Variants in PNPLA7 observed in about 807,000 individuals in gnomAD.
PNPLA7 encodes the protein patatin-like phospholipase domain-containing protein 7.
A neutral mutation model predicts 161.7 loss-of-function variants in PNPLA7; 153 were observed. The ratio of observed to expected loss-of-function variants is 0.95; its 90% CI spans 0.83 to 1.08. PNPLA7 has a LOEUF of 1.08. Among genes scored for constraint, PNPLA7 ranks in the 50% least tolerant of loss-of-function variants. PNPLA7 has a pLI of 0.00. For synonymous variants in PNPLA7, 809 were observed against 782.1 expected, an observed-to-expected ratio of 1.03 and a Z score of -0.57; for missense variants, 1,739 against 1,856.6, an observed-to-expected ratio of 0.94 and a Z score of 1.16.
chr9:137,480,931 A>T (rs771224609), intron 22 of PNPLA7, 29 bp downstream of exon 22: 2 of 1,550,340 alleles, frequency 1.3e-6, no homozygotes, highest in East Asian at 4.9e-5. Flanking sequence ...GCCGGCTGGG[A>T]GGAAGGAGTC....
Position 137,540,641 on chromosome 9 carries a change from C to A in PNPLA7, c.747+1G>T. The A allele has an allele frequency of 6.2e-7, 1 of 1,609,698 alleles. No individual in the cohort carries two copies. The highest frequency in any genetic ancestry group is 8.5e-7 in the Non-Finnish European group (1 of 1,178,486). Reference sequence around the variant, plus strand: ...GGAGGGCCAGGCAGCGGGGGACTCACGGTGATGATGTCCAGGATGCTGAGC... The same window carrying A: ...GGAGGGCCAGGCAGCGGGGGACTCAAGGTGATGATGTCCAGGATGCTGAGC... On this transcript the variant is annotated splice_donor_variant, in intron 8 of 34. Transcript: ENST00000406427. LOFTEE classifies it high-confidence loss of function. The surrounding 1 kb of genome is among the most constrained non-coding windows in gnomAD (Gnocchi z 5.1).
At position 137,540,639 on chromosome 9, in the gene PNPLA7, C is replaced by CA. The variant is rs1836145717; in HGVS notation, c.747+2dup. ...CCGGAGGGCCAGGCAGCGGGGGACT[C>CA]ACGGTGATGATGTCCAGGATGCTGA... On this transcript the variant is annotated splice_region_variant and intron_variant, in intron 8 of 34. Coordinates refer to ENST00000406427, the MANE Select transcript of PNPLA7 (RefSeq NM_001098537.3). This position sits in a 1 kb window ranked among gnomAD's most constrained non-coding sequence, Gnocchi z 5.1. 1.9e-6 allele frequency: 3 copies of CA among 1,609,512 alleles called. No individual in the cohort carries two copies. Among genetic ancestry groups the CA allele is most frequent in the Non-Finnish European group, 2.5e-6 (3 of 1,178,452 alleles).
chr9:137,507,449 C>T (rs1343545402), intron 12 of PNPLA7, among the ~76,000 whole-genome samples: 1 of 152,186 alleles, frequency 6.6e-6, no homozygotes, highest in Non-Finnish European at 1.5e-5. Flanking sequence ...GCAGGCAGGT[C>T]GCCTAAGGTT....
Position 137,540,116 on chromosome 9 carries a change from C to T in PNPLA7, c.747+526G>A, listed in dbSNP as rs1203904493. On this transcript the variant is annotated intron_variant, in intron 8 of 34. Coordinates refer to ENST00000406427, the MANE Select transcript of PNPLA7 (RefSeq NM_001098537.3). The surrounding 1 kb of genome is among the most constrained non-coding windows in gnomAD (Gnocchi z 5.1). ...ACCTTTCAAAATTACAAGTCTGCAT[C>T]CCTGGGACCCTGCAAGTCCACCCTA... Among the ~76,000 whole-genome samples, 1 of 152,190 alleles carries T rather than the reference C, an allele frequency of 6.6e-6. No homozygotes were observed. The highest frequency in any genetic ancestry group is 1.5e-5 in the Non-Finnish European group (1 of 68,032).
chr9:137,479,400 G>A, intron 23 of PNPLA7, 162 bp from the exon 24 acceptor site: 2 of 1,310,926 alleles, frequency 1.5e-6, no homozygotes, highest in African/African-American at 1.5e-5. Context: ...TGGCGCTGCC[G>A]AAGCTCTGAC....
chr9:137,500,403 T>C lies in PNPLA7; in HGVS notation c.1757+288A>G, dbSNP rs1833324550. On this transcript the variant is annotated intron_variant, in intron 16 of 34. Transcript: ENST00000406427. The surrounding 1 kb of genome is among the most constrained non-coding windows in gnomAD (Gnocchi z 5.5). ...AGCCCCAGAACTGACCAGTGATAAATGGACACGGCTGAGACCAGACCACAG... is the reference window on the plus strand; with the variant it reads ...AGCCCCAGAACTGACCAGTGATAAACGGACACGGCTGAGACCAGACCACAG... Among the ~76,000 whole-genome samples, 1 of 152,004 alleles carries C rather than the reference T, an allele frequency of 6.6e-6. No individual in the cohort carries two copies. Among genetic ancestry groups the C allele is most frequent in the Non-Finnish European group, 1.5e-5 (1 of 68,002 alleles).
chr9:137,464,868 G>A, intron 26 of PNPLA7: 1 of 216,804 alleles, frequency 4.6e-6, no homozygotes, highest in South Asian at 7.0e-5. Context: ...TGGGCCAGGG[G>A]GACACAGTGG....
intron 19 of PNPLA7, among the ~76,000 whole-genome samples, chr9:137,494,813 C>T (rs1832958885): frequency 1.3e-5 from 2 of 150,778 alleles, no homozygotes; most frequent in South Asian, 2.1e-4. Context: ...GCCCTGCCCT[C>T]ACCTGCTCCG....
rs146496113 is a variant in PNPLA7 at position 137,506,074 on chromosome 9, C to T, written c.1235G>A (p.Gly412Asp). The T allele has an allele frequency of 4.0e-5, 64 of 1,611,726 alleles. No individual in the cohort carries two copies. Among genetic ancestry groups the T allele is most frequent in the Middle Eastern group, 3.3e-4 (2 of 6,080 alleles). Residue 412 changes from glycine to aspartate, a missense_variant, in exon 13 of 35, where the codon GGC (glycine) becomes GAC (aspartate). Physicochemically the swap from Gly to Asp is moderately conservative, Grantham distance 94. This residue lies in a region of PNPLA7 where 481 missense variants were observed against 450.0 expected (regional missense o/e 1.07). Coordinates refer to ENST00000406427, the MANE Select transcript of PNPLA7 (RefSeq NM_001098537.3). ...CATCCCCAGATCAGAAGTGGCACTG[C>T]CTGGGCCCCCTACACACAGAGGGGA... ...PDPSAPQGGP[G>D]SATSDLGMAC...
rs1427885089 is a variant in PNPLA7 at position 137,547,695 on chromosome 9, C to G, written c.31-36G>C. Reference sequence around the variant, plus strand: ...GAGCATGGGGTCAGGTGGGCATGGACAGGCTTCCCAGCCCGAACTTGTTCA... The same window carrying G: ...GAGCATGGGGTCAGGTGGGCATGGAGAGGCTTCCCAGCCCGAACTTGTTCA... On this transcript the variant is annotated intron_variant, in intron 1 of 34. Coordinates refer to ENST00000406427, the MANE Select transcript of PNPLA7 (RefSeq NM_001098537.3). The surrounding 1 kb of genome is among the most constrained non-coding windows in gnomAD (Gnocchi z 4.6). The G allele has an allele frequency of 6.3e-7, 1 of 1,599,448 alleles. No individual in the cohort carries two copies. Among genetic ancestry groups the G allele is most frequent in the Admixed American group, 1.7e-5 (1 of 59,980 alleles).
intron 21 of PNPLA7, among the ~76,000 whole-genome samples, chr9:137,483,751 G>A (rs768665572): frequency 1.3e-5 from 2 of 151,550 alleles, no homozygotes; most frequent in Non-Finnish European, 1.5e-5. Flanking sequence ...GCCACCGCAC[G>A]TGGCTGAGAA....
intron 14 of PNPLA7, among the ~76,000 whole-genome samples, chr9:137,502,564 C>T (rs916596367): frequency 2.0e-4 from 28 of 143,548 alleles, no homozygotes; most frequent in Non-Finnish European, 4.0e-4. Flanking sequence ...GACGGAGAGG[C>T]CGCATCGCCC....
chr9:137,460,880 C>T, intron 33 of PNPLA7, 143 bp from the exon 34 acceptor site: 1 of 665,210 alleles, frequency 1.5e-6, no homozygotes, highest in Non-Finnish European at 2.6e-6. Context: ...GCCACCTGGT[C>T]CCAGGGCAGC....
intron 12 of PNPLA7, among the ~76,000 whole-genome samples, chr9:137,513,781 A>G (rs1329880683): frequency 2.0e-5 from 3 of 152,236 alleles, no homozygotes; most frequent in Admixed American, 6.5e-5. Context: ...CAAAAGTGAA[A>G]CTAACCAGGG....
intron 4 of PNPLA7, among the ~76,000 whole-genome samples, chr9:137,546,160 A>G (rs1307929307): frequency 6.6e-6 from 1 of 152,162 alleles, no homozygotes; most frequent in African/African-American, 2.4e-5. Context: ...AGTCTCTGAT[A>G]TGCAGAAATA....
rs756509588 is a variant in PNPLA7, at chr9:137,484,862, C to T, written c.2198-126G>A. The T allele has an allele frequency of 1.2e-3, 1,463 of 1,188,442 alleles. 2 individuals are homozygous for T. The highest frequency in any genetic ancestry group is 1.4e-3 in the Non-Finnish European group (1,234 of 875,102). The allele number at this position is 1,188,442 out of a possible 1,614,324, so 73.6% of individuals were successfully genotyped here. Reference sequence around the variant, plus strand: ...AGCACCAGAGGCCGCCTGGCCCTCCCGCCTCCCCAGTCCTGAGGCTGCCTG... The same window carrying T: ...AGCACCAGAGGCCGCCTGGCCCTCCTGCCTCCCCAGTCCTGAGGCTGCCTG... On this transcript the variant is annotated intron_variant, in intron 20 of 34. Coordinates refer to ENST00000406427, the MANE Select transcript of PNPLA7 (RefSeq NM_001098537.3).
intron 8 of PNPLA7, among the ~76,000 whole-genome samples, chr9:137,535,829 T>A (rs1255845052): frequency 6.7e-6 from 1 of 150,084 alleles, no homozygotes. Context: ...AATGGAAGAT[T>A]TGGAAAATAA....
At chr9:137,548,251 C>T (rs945312352) in intron 1 of PNPLA7, among the ~76,000 whole-genome samples, 4 of 152,094 alleles carry the variant, frequency 2.6e-5, no homozygotes, top group South Asian at 2.1e-4. Context: ...AAAGAGAAAA[C>T]GAGAAGACGA....
chr9:137,497,433 T>C, intron 17 of PNPLA7, 123 bp from the exon 18 acceptor site: 1 of 997,906 alleles, frequency 1.0e-6, no homozygotes, highest in Non-Finnish European at 1.3e-6. Context: ...ACTATCTTAT[T>C]TTTGTTTTGG....
Sources: allele counts gnomAD v4.1 joint callset (sites outside exome capture counted in the v4.1 genomes callset), GRCh38; gene constraint gnomAD v4.1.1; regional missense constraint gnomAD v4.1.1; non-coding constraint Gnocchi (gnomAD v3.1); transcripts MANE v1.5; gene names NCBI Gene and HGNC (gene_info 2026-07-23, HGNC 2026-07-21).